Variants in NCOR2 observed in about 807,000 individuals in gnomAD.
NCOR2 encodes nuclear receptor corepressor 2, also known as CTG repeat protein 26.
Under a neutral mutation model 262.9 loss-of-function variants are expected in NCOR2, and 81 were observed. The observed-to-expected ratio is 0.31, with a 90% confidence interval of 0.26 to 0.37. The LOEUF is 0.37. NCOR2 is among the 10% of genes least tolerant of loss of function. The pLI is 1.00. For synonymous variants in NCOR2, 1,659 were observed against 1,559.3 expected, an observed-to-expected ratio of 1.06 and a Z score of -1.51; for missense variants, 3,385 against 3,621.4, an observed-to-expected ratio of 0.93 and a Z score of 1.68.
intron 1 of NCOR2, among the ~76,000 whole-genome samples, chr12:124,510,056 C>A (rs1327274600): frequency 6.6e-5 from 10 of 152,240 alleles, no homozygotes; most frequent in Admixed American, 3.3e-4. Flanking sequence ...CAGCCAGGAG[C>A]CACCACATGG....
At chr12:124,535,061 A>G (rs77122657) in intron 1 of NCOR2, among the ~76,000 whole-genome samples, 6,512 of 152,356 alleles carry the variant, frequency 0.043, 287 homozygotes, top group African/African-American at 0.11. Flanking sequence ...TGCCCAGCAC[A>G]GAAGTAGCAG....
intron 1 of NCOR2, among the ~76,000 whole-genome samples, chr12:124,521,013 G>A (rs1023060743): frequency 3.3e-5 from 5 of 152,208 alleles, no homozygotes; most frequent in African/African-American, 4.8e-5. Context: ...CCAGCCTCTC[G>A]AGGCATCAGA....
chr12:124,510,676 G>T (rs4765573), intron 1 of NCOR2, among the ~76,000 whole-genome samples: 3,467 of 152,316 alleles, frequency 0.023, 59 homozygotes, highest in Middle Eastern at 0.075. Context: ...GGAGACTGTT[G>T]TCTCTCCCAC....
At chr12:124,546,147 T>C (rs1311511517) in intron 1 of NCOR2, among the ~76,000 whole-genome samples, 1 of 152,172 alleles carries the variant, frequency 6.6e-6, no homozygotes, top group Non-Finnish European at 1.5e-5. Flanking sequence ...TTTCTAGCTC[T>C]GTGACCCTGG....
chr12:124,333,954 GT>G (rs2035599791), intron 41 of NCOR2, among the ~76,000 whole-genome samples: 2 of 120,170 alleles, frequency 1.7e-5, no homozygotes, highest in African/African-American at 3.9e-5. Flanking sequence ...GGGTGTGCAC[GT>G]GTGTGTGTGC....
exon 47 of NCOR2, chr12:124,325,383 C>CCCCCA: frequency 9.1e-6 from 4 of 440,024 alleles, no homozygotes; most frequent in Non-Finnish European, 7.0e-6. Flanking sequence ...CACCGCCCCC[C>CCCCCA]CCCCCGCCCT....
At chr12:124,340,540 C>A in intron 35 of NCOR2, 62 bp downstream of exon 37, 1 of 1,536,796 alleles carries the variant, frequency 6.5e-7, no homozygotes, top group Non-Finnish European at 8.7e-7. Flanking sequence ...TCTGCCCGCC[C>A]ATCCCCCAGC....
At chr12:124,561,438 G>A (rs2052068117) in intron 1 of NCOR2, among the ~76,000 whole-genome samples, 4 of 152,210 alleles carry the variant, frequency 2.6e-5, no homozygotes, top group African/African-American at 9.6e-5. Flanking sequence ...CAACAGCTTT[G>A]GGCAGTTTTA....
intron 45 of NCOR2, among the ~76,000 whole-genome samples, 176 bp downstream of exon 47, chr12:124,327,233 G>C (rs2034749469): frequency 6.6e-6 from 1 of 152,132 alleles, no homozygotes; most frequent in South Asian, 2.1e-4. Flanking sequence ...AGACACTTGG[G>C]GGGTGTCAGC....
intron 1 of NCOR2, among the ~76,000 whole-genome samples, chr12:124,524,817 G>A (rs1008002461): frequency 3.3e-5 from 5 of 152,238 alleles, no homozygotes; most frequent in Admixed American, 1.3e-4. Context: ...CCTGAACCTC[G>A]TCCTCACAAC....
chr12:124,544,083 C>CGGCACCCCCTGCCCGGG (rs1279301716), intron 1 of NCOR2, among the ~76,000 whole-genome samples: 26 of 152,296 alleles, frequency 1.7e-4, no homozygotes, highest in African/African-American at 6.3e-4. Context: ...CGCCTCTGCC[C>CGGCACCCCCTGCCCGGG]GGCACCCCCT....
At chr12:124,423,955 C>T (rs2043377480) in intron 11 of NCOR2, among the ~76,000 whole-genome samples, 1 of 152,184 alleles carries the variant, frequency 6.6e-6, no homozygotes. Flanking sequence ...TTCAAAGCCC[C>T]GAGTGCTATC....
chr12:124,358,299 A>G (rs2038173348), intron 22 of NCOR2, among the ~76,000 whole-genome samples: 2 of 136,372 alleles, frequency 1.5e-5, no homozygotes, highest in Non-Finnish European at 1.5e-5. Flanking sequence ...GTGCACGTGC[A>G]CGTGTATGTG....
At chr12:124,385,873 C>T in exon 17 of NCOR2, 2 of 1,613,270 alleles carry the variant, frequency 1.2e-6, no homozygotes, top group Non-Finnish European at 1.7e-6. Flanking sequence ...CAGTTGCGGC[C>T]GTGTTCCAGG....
chr12:124,481,925 C>T lies in NCOR2; in HGVS notation c.411+1671G>A, dbSNP rs562749284. ...CTGCAAAGTTACTGGAGAGCAATGA[C>T]GAGCTCAGGCCGGGGGTTGCCTCAG... On this transcript the variant is annotated intron_variant, in intron 3 of 46. Coordinates refer to ENST00000405201, the Ensembl canonical transcript of NCOR2. The surrounding 1 kb of genome is among the most constrained non-coding windows in gnomAD (Gnocchi z 4.6). Among the ~76,000 whole-genome samples, 12 of 152,064 alleles carry T rather than the reference C, an allele frequency of 7.9e-5. No homozygotes were observed. The highest frequency in any genetic ancestry group is 1.6e-4 in the Non-Finnish European group (11 of 67,994).
At chr12:124,344,732 G>A (rs917396615) in exon 32 of NCOR2, 9 of 1,543,532 alleles carry the variant, frequency 5.8e-6, no homozygotes, top group African/African-American at 1.4e-5. Context: ...ACAATGACCG[G>A]GGCGCCGCGC....
chr12:124,399,020 G>C lies in NCOR2; in HGVS notation c.1814-839C>G, dbSNP rs1177805666. ...TGCTTAAGACCCATGAGTGGGGTGG[G>C]TGCGAGGGACGTCAGCTCCATGGAC... On this transcript the variant is annotated intron_variant, in intron 15 of 46. Coordinates refer to ENST00000405201, the Ensembl canonical transcript of NCOR2. Among the ~76,000 whole-genome samples, 3 of 152,200 alleles carry C rather than the reference G, an allele frequency of 2.0e-5. No homozygotes were observed. The East Asian group carries it at 5.8e-4, about 29-fold the overall frequency.
At position 124,544,859 on chromosome 12, in the gene NCOR2, T is replaced by C. The variant is rs531960428; in HGVS notation, c.-164-9248A>G. Reference sequence around the variant, plus strand: ...GGCAGGAGACTGCGACCCCTGTGTGTGCTGCTCAACTTCGCAGAGGCAGTT... The same window carrying C: ...GGCAGGAGACTGCGACCCCTGTGTGCGCTGCTCAACTTCGCAGAGGCAGTT... On this transcript the variant is annotated intron_variant, in intron 1 of 32. Transcript: ENST00000458234. Among the ~76,000 whole-genome samples the C allele has an allele frequency of 8.6e-5, 13 of 151,438 alleles. No individual in the cohort carries two copies. The South Asian group carries it at 2.5e-3, about 29-fold the overall frequency.
chr12:124,385,669 A>T, intron 17 of NCOR2, 76 bp downstream of exon 19: 1 of 1,568,766 alleles, frequency 6.4e-7, no homozygotes, highest in Non-Finnish European at 8.6e-7. Flanking sequence ...CCTGGGGTGC[A>T]GAGACATCTC....
Sources: allele counts gnomAD v4.1 joint callset (sites outside exome capture counted in the v4.1 genomes callset), GRCh38; gene constraint gnomAD v4.1.1; non-coding constraint Gnocchi (gnomAD v3.1); transcripts MANE v1.5; gene names NCBI Gene and HGNC (gene_info 2026-07-23, HGNC 2026-07-21).